The following ERCC6 variants were observed in gnomAD, a reference collection of about 807,000 sequenced individuals.
ERCC6 encodes DNA excision repair protein ERCC-6.
ERCC6 carries 116 observed loss-of-function variants against 158.7 expected under a neutral mutation model. That is an observed-to-expected ratio of 0.73 (90% CI 0.63 to 0.85). ERCC6 has a LOEUF of 0.85. Among genes scored for constraint, ERCC6 ranks in the 40% least tolerant of loss-of-function variants. The pLI is 0.00. For missense variants in ERCC6, 1,698 were observed against 1,799.4 expected (o/e 0.94, Z 1.02); for synonymous variants, 678 against 659.3 (o/e 1.03, Z -0.43).
chr10:49,450,760 T>C (rs932835262), downstream of ERCC6, among the ~76,000 whole-genome samples: 7 of 152,230 alleles, frequency 4.6e-5, no homozygotes, highest in Non-Finnish European at 7.3e-5. Flanking sequence ...TTTGATGCTA[T>C]TATGAATATT....
At chr10:49,484,000 C>T (rs983358084) in intron 8 of ERCC6, among the ~76,000 whole-genome samples, 2 of 151,722 alleles carry the variant, frequency 1.3e-5, no homozygotes, top group African/African-American at 2.4e-5. Context: ...GAAAAAAAGC[C>T]GGGTACAGTG....
chr10:49,505,518 T>C (rs1851428502), intron 6 of ERCC6: 2 of 180,746 alleles, frequency 1.1e-5, no homozygotes, highest in Non-Finnish European at 2.3e-5. Context: ...ATATTGATTT[T>C]AATATGCAAC....
chr10:49,493,161 T>G lies in ERCC6; in HGVS notation c.1777A>C (p.Arg593=), dbSNP rs768188064. The change falls in exon 8 of 21, where the codon AGA becomes CGA. Residue 593 remains arginine, a synonymous_variant. Coordinates refer to ENST00000355832, the MANE Select transcript of ERCC6 (RefSeq NM_000124.4). ...CCGGTTTCATGTAGAATTGCCACTCTGAACGGAGGCCACCACGTGTGAAAT... is the reference window on the plus strand; with the variant it reads ...CCGGTTTCATGTAGAATTGCCACTCGGAACGGAGGCCACCACGTGTGAAAT... ...KEFHTWWPPF[R]VAILHETGSY... 2 of 1,614,196 alleles carry G rather than the reference T, an allele frequency of 1.2e-6. No individual in the cohort carries two copies. The highest frequency in any genetic ancestry group is 8.5e-7 in the Non-Finnish European group (1 of 1,180,018).
intron 4 of ERCC6, chr10:49,525,084 A>T: frequency 4.5e-6 from 2 of 440,772 alleles, no homozygotes; most frequent in Non-Finnish European, 7.5e-6. Flanking sequence ...ATAAATAGTC[A>T]AGTTTAGCTG....
At chr10:49,453,139 G>C (rs369514322), downstream of ERCC6, among the ~76,000 whole-genome samples, 1 of 151,746 alleles carries the variant, frequency 6.6e-6, no homozygotes, top group Non-Finnish European at 1.5e-5. Context: ...CTTTTGCATC[G>C]AGTATTTTCT....
At position 49,458,151 on chromosome 10, in the gene ERCC6, A is replaced by G. The variant is rs1473573852; in HGVS notation, c.*664T>C. 2.0e-5 allele frequency: 3 copies of G among 152,282 alleles called. No homozygotes were observed. Among genetic ancestry groups the G allele is most frequent in the African/African-American group, 7.2e-5 (3 of 41,434 alleles). The allele number at this position is 152,282 out of a possible 1,614,324, so 9.4% of individuals were successfully genotyped here. ...AAAAGATGCCCTCTGCTTAAAGGAA[A>G]GCCAGGGTAAACTGAATACCCTACA... On this transcript the variant is annotated 3_prime_UTR_variant, in exon 21 of 21. Coordinates refer to ENST00000355832, the MANE Select transcript of ERCC6 (RefSeq NM_000124.4).
intron 8 of ERCC6, among the ~76,000 whole-genome samples, chr10:49,490,830 G>A (rs1851162546): frequency 2.0e-5 from 3 of 152,114 alleles, no homozygotes; most frequent in African/African-American, 7.2e-5. Flanking sequence ...CAATGTCAGA[G>A]TACCATTATT....
Position 49,458,875 on chromosome 10 carries a change from G to A in ERCC6, c.4422C>T (p.Cys1474=), listed in dbSNP as rs1850525811. ...CVFRELLRNL[C]TFHRTSGGEG... ...CACCACCAGAAGTTCTATGGAAAGTGCACAGATTTCTCAATAGTTCTCGGA... is the reference window on the plus strand; with the variant it reads ...CACCACCAGAAGTTCTATGGAAAGTACACAGATTTCTCAATAGTTCTCGGA... The change falls in exon 21 of 21, where the codon TGC becomes TGT. Residue 1474 remains cysteine, a synonymous_variant. Transcript: ENST00000355832. 2.5e-6 allele frequency: 4 copies of A among 1,614,208 alleles called. No individual in the cohort carries two copies. Among genetic ancestry groups the A allele is most frequent in the South Asian group, 1.1e-5 (1 of 91,080 alleles).
Position 49,476,318 on chromosome 10 carries a change from C to T in ERCC6, c.2287-8G>A, listed in dbSNP as rs371079288. 169 of 1,595,244 alleles carry T rather than the reference C, an allele frequency of 1.1e-4. No individual in the cohort carries two copies. Among genetic ancestry groups the T allele is most frequent in the Admixed American group, 3.7e-4 (22 of 59,656 alleles). On this transcript the variant is annotated splice_region_variant and splice_polypyrimidine_tract_variant and intron_variant, in intron 11 of 20. Coordinates refer to ENST00000355832, the MANE Select transcript of ERCC6 (RefSeq NM_000124.4). ...AAGACGGCAAAATAAGACCTACGGACGGGAAAAACAAGGAAACTATAATTT... is the reference window on the plus strand; with the variant it reads ...AAGACGGCAAAATAAGACCTACGGATGGGAAAAACAAGGAAACTATAATTT...
chr10:49,533,965 C>G (rs1837532377), intron 1 of ERCC6, among the ~76,000 whole-genome samples: 1 of 151,672 alleles, frequency 6.6e-6, no homozygotes, highest in African/African-American at 2.4e-5. Flanking sequence ...GAAACCCGAT[C>G]TCTACTAAAA....
intron 1 of ERCC6, 137 bp downstream of exon 1, chr10:49,538,825 C>T (rs1362349991): frequency 6.6e-6 from 1 of 152,302 alleles, no homozygotes; most frequent in Non-Finnish European, 1.5e-5. Context: ...GCCCTAAGAC[C>T]CGCTACAGTG....
chr10:49,471,362 T>C (rs1369603487), intron 16 of ERCC6, among the ~76,000 whole-genome samples: 2 of 152,170 alleles, frequency 1.3e-5, no homozygotes, highest in African/African-American at 2.4e-5. Context: ...ATGAGCTTTT[T>C]CAACCTCCAA....
intron 1 of ERCC6, 94 bp from the exon 2 acceptor site, chr10:49,533,072 G>T: frequency 7.1e-7 from 1 of 1,409,304 alleles, no homozygotes; most frequent in Non-Finnish European, 9.6e-7. Flanking sequence ...TTTCTCAAAA[G>T]ATCAAGTAAT....
chr10:49,478,803 A>C (rs1218762474), intron 10 of ERCC6, among the ~76,000 whole-genome samples: 1 of 152,216 alleles, frequency 6.6e-6, no homozygotes, highest in Non-Finnish European at 1.5e-5. Context: ...GTAGAGACTT[A>C]CTGGGTTCTT....
chr10:49,506,851 AAAG>A lies in ERCC6; in HGVS notation c.1398-842_1398-840del, dbSNP rs141080665. Among the ~76,000 whole-genome samples, 1,386 of 152,206 alleles carry A rather than the reference AAAG, an allele frequency of 9.1e-3. 6 individuals are homozygous for A. The highest frequency in any genetic ancestry group is 0.014 in the South Asian group (69 of 4,824). On this transcript the variant is annotated intron_variant, in intron 5 of 20. Transcript: ENST00000355832. ...CAAATTCTATTCACTTTCAAAATAA[AAAG>A]ATGATGTTTTCATTCAGCATGGTGC... is the stretch of plus-strand genomic sequence containing the variant.
At chr10:49,499,065 T>C (rs1851313311) in intron 7 of ERCC6, among the ~76,000 whole-genome samples, 1 of 152,202 alleles carries the variant, frequency 6.6e-6, no homozygotes, top group African/African-American at 2.4e-5. Context: ...TTAACAGTCA[T>C]AGATAAGACC....
chr10:49,535,853 G>A (rs1837584231), intron 1 of ERCC6, among the ~76,000 whole-genome samples: 1 of 152,208 alleles, frequency 6.6e-6, no homozygotes, highest in African/African-American at 2.4e-5. Flanking sequence ...GCCAGGCTTG[G>A]TGGCTCACAC....
At position 49,460,438 on chromosome 10, in the gene ERCC6, T is replaced by C; in HGVS notation, c.3997A>G (p.Lys1333Glu). ...ACAGAGAAGTTAGAATTCCTTTTCT[T>C]ACCAAATCTACTCCTAAAAAAGGAA... is the stretch of plus-strand genomic sequence containing the variant. Reference protein sequence around the residue: ...APAGKKSRFGKKRNSNFSVQH... With the variant: ...APAGKKSRFGEKRNSNFSVQH... The change falls in exon 20 of 21, where the codon AAG becomes GAG. Residue 1333 changes from lysine to glutamate, a missense_variant. Physicochemically the swap from Lys to Glu is moderately conservative, Grantham distance 56 (BLOSUM62 1). Transcript: ENST00000355832. 1 of 1,612,020 alleles carries C rather than the reference T, an allele frequency of 6.2e-7. No individual in the cohort carries two copies. The highest frequency in any genetic ancestry group is 8.5e-7 in the Non-Finnish European group (1 of 1,178,106).
Position 49,472,544 on chromosome 10 carries a change from T to C in ERCC6, c.2830-74A>G. 2.7e-6 allele frequency: 4 copies of C among 1,489,100 alleles called. No individual in the cohort carries two copies. The South Asian group carries it at 4.5e-5, about 17-fold the overall frequency. 92.2% of individuals were successfully genotyped at this position (1,489,100 alleles called of 1,614,324 possible). ...AAGCACTGACTATAAGAAACAAAGC[T>C]AGCTGGTCACTACCTGTCACTCCCA... On this transcript the variant is annotated intron_variant, in intron 15 of 20. Coordinates refer to ENST00000355832, the MANE Select transcript of ERCC6 (RefSeq NM_000124.4).
Sources: allele counts gnomAD v4.1 joint callset (sites outside exome capture counted in the v4.1 genomes callset), GRCh38; gene constraint gnomAD v4.1.1; transcripts MANE v1.5; gene names NCBI Gene and HGNC (gene_info 2026-07-23, HGNC 2026-07-21).